Variants in GASK1B observed in about 807,000 individuals in gnomAD.
The protein encoded by GASK1B is golgi associated kinase 1B, also known as Golgi-associated kinase 1B.
In GASK1B, 34 loss-of-function variants were observed where a neutral mutation model predicts 42.8. That is an observed-to-expected ratio of 0.79 (90% CI 0.60 to 1.06). The LOEUF (loss-of-function observed/expected upper bound fraction) is 1.06, where lower values mean the gene tolerates loss of function less well. GASK1B is among the 50% of genes least tolerant of loss of function. The probability of loss-of-function intolerance (pLI) is 0.00; values close to 1 mark genes in which losing one functional copy is unlikely to be tolerated. For synonymous variants in GASK1B, 262 were observed against 259.1 expected, an observed-to-expected ratio of 1.01 and a Z score of -0.11; for missense variants, 686 against 661.0, an observed-to-expected ratio of 1.04 and a Z score of -0.42.
In GASK1B at chr4:158,170,583, AG is replaced by A. The variant is rs1732447776; in HGVS notation, c.792del (p.Cys265ValfsTer10). On this transcript the variant is annotated frameshift_variant, in exon 2 of 5. Transcript: ENST00000585682. LOFTEE classifies it high-confidence loss of function. ...TCCAAGGGCTGCTTGAGAAGCCCAC[AG>A]GGGCTAGGGCCACAGCGGAGCACAG... ...PGAVLRCGPS[P>X]CGLLKQPLDM... The A allele has an allele frequency of 6.2e-7, 1 of 1,614,096 alleles. No homozygotes were observed. The highest frequency in any genetic ancestry group is 1.3e-5 in the African/African-American group (1 of 75,064).
chr4:158,159,975 G>A (rs961564202), intron 2 of GASK1B, among the ~76,000 whole-genome samples: 8 of 152,104 alleles, frequency 5.3e-5, no homozygotes, highest in African/African-American at 1.9e-4. Flanking sequence ...ATGTCTGTGA[G>A]CATTTGTCAC....
intron 3 of GASK1B, among the ~76,000 whole-genome samples, chr4:158,141,014 A>T (rs1262968135): frequency 6.6e-6 from 1 of 152,228 alleles, no homozygotes; most frequent in Non-Finnish European, 1.5e-5. Flanking sequence ...TAAATATAAC[A>T]TATTTGATCA....
At chr4:158,164,680 A>G (rs892169878) in intron 2 of GASK1B, among the ~76,000 whole-genome samples, 2 of 152,194 alleles carry the variant, frequency 1.3e-5, no homozygotes, top group African/African-American at 4.8e-5. Context: ...TATGTCAAAG[A>G]TTTCTAGGAT....
At chr4:158,150,172 G>A (rs530362744) in intron 3 of GASK1B, among the ~76,000 whole-genome samples, 2 of 152,018 alleles carry the variant, frequency 1.3e-5, no homozygotes, top group African/African-American at 2.4e-5. Context: ...TGATCTGCCC[G>A]CCTCGGCCTC....
intron 2 of GASK1B, among the ~76,000 whole-genome samples, chr4:158,157,842 A>G (rs1200955085): frequency 6.6e-6 from 1 of 152,072 alleles, no homozygotes; most frequent in Non-Finnish European, 1.5e-5. Context: ...TTTGTTTCTA[A>G]TTGTAAAACT....
At chr4:158,128,804 A>G (rs372986832) in intron 4 of GASK1B, among the ~76,000 whole-genome samples, 4 of 152,354 alleles carry the variant, frequency 2.6e-5, no homozygotes, top group East Asian at 3.9e-4. Context: ...AAGAATGTTT[A>G]TAAGATGCTC....
intron 4 of GASK1B, among the ~76,000 whole-genome samples, chr4:158,129,876 C>A (rs1360750556): frequency 6.6e-6 from 1 of 152,198 alleles, no homozygotes; most frequent in African/African-American, 2.4e-5. Context: ...GCCCACTAGG[C>A]AGTGGAGCTT....
intron 3 of GASK1B, among the ~76,000 whole-genome samples, chr4:158,153,326 C>A (rs1731629566): frequency 6.6e-6 from 1 of 152,140 alleles, no homozygotes; most frequent in Admixed American, 6.5e-5. Context: ...AGGAAAACTA[C>A]AAAACACTGC....
At chr4:158,138,379 A>G (rs1477105005) in intron 3 of GASK1B, among the ~76,000 whole-genome samples, 1 of 152,214 alleles carries the variant, frequency 6.6e-6, no homozygotes, top group African/African-American at 2.4e-5. Flanking sequence ...TTTGCATTTT[A>G]TGAAATTCTG....
At chr4:158,143,354 C>T (rs1731207342) in intron 3 of GASK1B, among the ~76,000 whole-genome samples, 1 of 152,076 alleles carries the variant, frequency 6.6e-6, no homozygotes, top group African/African-American at 2.4e-5. Flanking sequence ...AAAATTTAAA[C>T]TTTATTTTCC....
At chr4:158,145,479 T>C (rs1391806944) in intron 3 of GASK1B, among the ~76,000 whole-genome samples, 1 of 152,172 alleles carries the variant, frequency 6.6e-6, no homozygotes, top group Non-Finnish European at 1.5e-5. Flanking sequence ...GTAAGCACCA[T>C]TTCTACCACT....
intron 2 of GASK1B, among the ~76,000 whole-genome samples, chr4:158,161,371 C>T (rs915807534): frequency 6.6e-6 from 1 of 152,036 alleles, no homozygotes; most frequent in Admixed American, 6.6e-5. Flanking sequence ...ATTTATCTAA[C>T]TGTTTTTCAC....
intron 4 of GASK1B, among the ~76,000 whole-genome samples, chr4:158,129,372 T>C (rs1202749679): frequency 6.6e-6 from 1 of 152,184 alleles, no homozygotes; most frequent in Non-Finnish European, 1.5e-5. Flanking sequence ...TAAAATTTCC[T>C]TAGCTTAAAA....
intron 3 of GASK1B, among the ~76,000 whole-genome samples, chr4:158,151,229 A>G (rs1039039554): frequency 3.3e-5 from 5 of 152,252 alleles, no homozygotes; most frequent in African/African-American, 9.6e-5. Flanking sequence ...GAGTCACACA[A>G]TTATGTAGAT....
intron 3 of GASK1B, among the ~76,000 whole-genome samples, chr4:158,139,979 T>A (rs6832099): frequency 1.3e-5 from 2 of 152,106 alleles, no homozygotes; most frequent in Admixed American, 1.3e-4. Flanking sequence ...TAATAGATTT[T>A]CATTGCTTCA....
Position 158,155,617 on chromosome 4 carries a change from CA to C in GASK1B, c.1118del (p.Leu373CysfsTer8), listed in dbSNP as rs777968076. 1 of 1,613,134 alleles carries C rather than the reference CA, an allele frequency of 6.2e-7. No individual in the cohort carries two copies. Among genetic ancestry groups the C allele is most frequent in the South Asian group, 1.1e-5 (1 of 90,978 alleles). On this transcript the variant is annotated frameshift_variant, in exon 3 of 5. Coordinates refer to ENST00000585682, the MANE Select transcript of GASK1B (RefSeq NM_001128424.2). LOFTEE classifies it high-confidence loss of function. ...EWSKMALFDF[L>X]LQIYNRLDTN... ...CTTGATTTGATAAACTTACCTGTAA[CA>C]AAAAATCAAAGAGTGCCATCTTGGA...
At chr4:158,149,244 G>A (rs577507117) in intron 3 of GASK1B, among the ~76,000 whole-genome samples, 3 of 152,176 alleles carry the variant, frequency 2.0e-5, no homozygotes, top group African/African-American at 7.2e-5. Flanking sequence ...TCTATCATTC[G>A]TTTCATGCAC....
At chr4:158,170,073 T>C (rs757835992) in intron 2 of GASK1B, 7 of 670,226 alleles carry the variant, frequency 1.0e-5, no homozygotes, top group South Asian at 2.1e-5. Context: ...AACTTCTACT[T>C]CCTCCCATAG....
chr4:158,125,375 T>C lies in GASK1B; in HGVS notation c.*2032A>G, dbSNP rs1730410984. 1 of 151,534 alleles carries C rather than the reference T, an allele frequency of 6.6e-6. No homozygotes were observed. Among genetic ancestry groups the C allele is most frequent in the Non-Finnish European group, 1.5e-5 (1 of 67,926 alleles). The allele number at this position is 151,534 out of a possible 1,614,324, so 9.4% of individuals were successfully genotyped here. On this transcript the variant is annotated 3_prime_UTR_variant, in exon 5 of 5. Coordinates refer to ENST00000585682, the MANE Select transcript of GASK1B (RefSeq NM_001128424.2). ...CAGCTTCTAAAAAGCCTGTTAGTCC[T>C]ACCATCAATATGATAAATTTGGATA...
Sources: allele counts gnomAD v4.1 joint callset (sites outside exome capture counted in the v4.1 genomes callset), GRCh38; gene constraint gnomAD v4.1.1; transcripts MANE v1.5; gene names NCBI Gene and HGNC (gene_info 2026-07-23, HGNC 2026-07-21).